SAA2: variants seen among roughly 807,000 people sequenced by gnomAD.
The protein encoded by SAA2 is serum amyloid A2.
Under a neutral mutation model 9.1 loss-of-function variants are expected in SAA2, and 5 were observed. That is an observed-to-expected ratio of 0.55 (90% CI 0.29 to 1.16). The LOEUF is 1.16. SAA2 is among the 50% of genes most tolerant of loss of function. The probability of loss-of-function intolerance (pLI) is 0.09; values close to 1 mark genes in which losing one functional copy is unlikely to be tolerated. For synonymous variants in SAA2, 49 were observed against 59.8 expected (o/e 0.82, Z 0.83); for missense variants, 94 against 153.8 (o/e 0.61, Z 2.06).
chr11:18,239,913 T>C (rs1048458661), exon 4 of SAA2: 2 of 1,547,906 alleles, frequency 1.3e-6, no homozygotes, highest in Non-Finnish European at 1.7e-6. Context: ...CTGGGTCATG[T>C]AGGAGTGAAG....
Position 18,247,976 on chromosome 11 carries a change from C to G in SAA2, c.36G>C (p.Leu12Phe). ...AGCTTCGGCTGCTGACACTCAGGAC[C>G]AAGGAGCAGAAAACCAGGCCCGTGA... is the stretch of plus-strand genomic sequence containing the variant. ...KLLTGLVFCS[L>F]VLSVSSRSFF... The change falls in exon 2 of 4, where the codon TTG becomes TTC. Residue 12 changes from leucine to phenylalanine, a missense_variant. Leu to Phe is a conservative substitution (Grantham distance 22). Around this residue, in one of 2 missense-constraint regions of SAA2, gnomAD observed 32 missense variants for 95.5 expected, o/e 0.34. Coordinates refer to ENST00000256733, the MANE Select transcript of SAA2 (RefSeq NM_030754.5). The G allele has an allele frequency of 6.2e-7, 1 of 1,613,528 alleles. No homozygotes were observed. Among genetic ancestry groups the G allele is most frequent in the Non-Finnish European group, 8.5e-7 (1 of 1,179,796 alleles).
chr11:18,239,833 C>T, exon 4 of SAA2: 2 of 1,372,058 alleles, frequency 1.5e-6, no homozygotes, highest in Non-Finnish European at 2.0e-6. Context: ...CCTCTTAGCA[C>T]AGGTTCCAAA....
downstream of SAA2, chr11:18,242,446 C>G (rs1857374139): frequency 4.0e-6 from 1 of 252,260 alleles, no homozygotes; most frequent in Non-Finnish European, 7.5e-6. Flanking sequence ...GAATAGCAAT[C>G]TACTTTATTA....
chr11:18,245,415 T>A lies in SAA2; in HGVS notation c.331A>T (p.Asn111Tyr). The A allele has an allele frequency of 6.2e-7, 1 of 1,614,208 alleles. No homozygotes were observed. The highest frequency in any genetic ancestry group is 1.1e-5 in the South Asian group (1 of 91,078). ...GGCAGGCCAGCAGGTCGGAAGTGAT[T>A]GGGGTCTCTGCCACTCCTGCCCCAT... ...NKWGRSGRDP[N>Y]HFRPAGLPEK... The change falls in exon 4 of 4, where the codon AAT becomes TAT. Residue 111 changes from asparagine to tyrosine, a missense_variant. Transcript: ENST00000256733.
At chr11:18,244,972 T>C (rs1202809957), downstream of SAA2, among the ~76,000 whole-genome samples, 1 of 151,998 alleles carries the variant, frequency 6.6e-6, no homozygotes, top group Non-Finnish European at 1.5e-5. Flanking sequence ...ACAGAGAAGG[T>C]AACAGGAAAT....
In SAA2 at chr11:18,245,506, T is replaced by C; in HGVS notation, c.240A>G (p.Arg80=). ...AWAAEVISNA[R]ENIQRLTGRG... is the part of the protein sequence containing the mutation. ...GGCCTGTGAGTCTCTGGATATTCTC[T>C]CTGGCATTGCTGTAGTCCAGGCAGG... is the stretch of plus-strand genomic sequence containing the variant. Residue 80 remains arginine (R), a synonymous_variant, in exon 4 of 4, where the codon AGA becomes AGG. Coordinates refer to ENST00000256733, the MANE Select transcript of SAA2 (RefSeq NM_030754.5). The C allele has an allele frequency of 6.2e-7, 1 of 1,614,054 alleles. No homozygotes were observed. The highest frequency in any genetic ancestry group is 8.5e-7 in the Non-Finnish European group (1 of 1,179,922).
downstream of SAA2, among the ~76,000 whole-genome samples, chr11:18,243,489 C>T: frequency 6.6e-6 from 1 of 152,210 alleles, no homozygotes; most frequent in Non-Finnish European, 1.5e-5. Flanking sequence ...AGACTGAACA[C>T]TAATCTCAAC....
At chr11:18,245,163 A>G (rs1379674764), downstream of SAA2, 9 of 1,082,544 alleles carry the variant, frequency 8.3e-6, no homozygotes, top group African/African-American at 1.1e-4. Flanking sequence ...CTCACCCTTC[A>G]TGTGGGTGTG....
exon 4 of SAA2, chr11:18,239,578 T>C (rs1410914224): frequency 2.5e-6 from 1 of 402,086 alleles, no homozygotes; most frequent in Non-Finnish European, 4.4e-6. Flanking sequence ...GACTCCATGT[T>C]GCTTAAGCCA....
At chr11:18,243,023 T>C (rs1224059183), downstream of SAA2, among the ~76,000 whole-genome samples, 1 of 152,220 alleles carries the variant, frequency 6.6e-6, no homozygotes, top group Non-Finnish European at 1.5e-5. Context: ...AAATTATAAA[T>C]TCCTGGGTAA....
chr11:18,238,268 A>G (rs1176000555), downstream of SAA2, among the ~76,000 whole-genome samples: 2 of 152,186 alleles, frequency 1.3e-5, no homozygotes, highest in African/African-American at 4.8e-5. Context: ...TTTATTTATC[A>G]CATTAGAGAA....
At chr11:18,246,105 C>A (rs1857523965) in intron 2 of SAA2, 57 bp from the exon 3 acceptor site, 2 of 1,539,544 alleles carry the variant, frequency 1.3e-6, no homozygotes, top group African/African-American at 2.8e-5. Flanking sequence ...ACTCCAACAA[C>A]ACCTTAGAGG....
downstream of SAA2, among the ~76,000 whole-genome samples, chr11:18,243,172 T>C (rs542626483): frequency 6.6e-6 from 1 of 152,056 alleles, no homozygotes; most frequent in Admixed American, 6.6e-5. Context: ...AGAAGGGGAG[T>C]GATTTGGTCC....
intron 2 of SAA2, among the ~76,000 whole-genome samples, chr11:18,246,618 G>A (rs1454325129): frequency 6.6e-6 from 1 of 152,156 alleles, no homozygotes; most frequent in Non-Finnish European, 1.5e-5. Context: ...TACAACTTCC[G>A]CTTCCCGGGT....
exon 4 of SAA2, chr11:18,239,948 C>G (rs1857294075): frequency 1.3e-6 from 2 of 1,550,904 alleles, no homozygotes; most frequent in Non-Finnish European, 1.7e-6. Flanking sequence ...CCTTCACTCT[C>G]TACAGTTCAG....
downstream of SAA2, chr11:18,242,833 G>T: frequency 1.4e-6 from 1 of 701,194 alleles, no homozygotes; most frequent in South Asian, 1.5e-5. Context: ...GATGAAAGAG[G>T]GAGATGCTGT....
At position 18,245,529 on chromosome 11, in the gene SAA2, A is replaced by G; in HGVS notation, c.231-14T>C. On this transcript the variant is annotated splice_polypyrimidine_tract_variant and intron_variant, in intron 3 of 3. Transcript: ENST00000256733. ...TCTCTGGCATTGCTGTAGTCCAGGC[A>G]GGCAAGAAGGAGATTAATCATCAGG... 2 of 1,613,794 alleles carry G rather than the reference A, an allele frequency of 1.2e-6. No individual in the cohort carries two copies. The highest frequency in any genetic ancestry group is 2.2e-5 in the South Asian group (2 of 91,070).
intron 2 of SAA2, 57 bp from the exon 3 acceptor site, chr11:18,246,105 C>T: frequency 6.5e-7 from 1 of 1,539,662 alleles, no homozygotes; most frequent in Non-Finnish European, 8.9e-7. Flanking sequence ...ACTCCAACAA[C>T]ACCTTAGAGG....
chr11:18,240,215 A>G, intron 3 of SAA2: 1 of 709,504 alleles, frequency 1.4e-6, no homozygotes, highest in Admixed American at 2.0e-5. Flanking sequence ...TGAAATTTGA[A>G]TGAGGCAAAT....
Sources: gnomAD v4.1 joint callset for allele counts (sites outside exome capture counted in the v4.1 genomes callset) on GRCh38, gnomAD v4.1.1 for gene constraint, gnomAD v4.1.1 regional missense constraint, MANE v1.5 for transcripts, NCBI Gene and HGNC (gene_info 2026-07-23, HGNC 2026-07-21) for gene names.